The following GRHL1 variants were observed in gnomAD, a reference collection of about 807,000 sequenced individuals.
GRHL1 encodes grainyhead-like protein 1 homolog.
GRHL1 carries 38 observed loss-of-function variants against 75.7 expected under a neutral mutation model. The observed-to-expected ratio is 0.50, with a 90% CI of 0.39 to 0.66. GRHL1 has a LOEUF of 0.66. Ranked by LOEUF, GRHL1 falls within the 30% of genes least tolerant of loss-of-function variation. The probability of loss-of-function intolerance (pLI) is 0.00; values close to 1 mark genes in which losing one functional copy is unlikely to be tolerated. For missense variants in GRHL1, 589 were observed against 767.5 expected, an observed-to-expected ratio of 0.77 and a Z score of 2.75; for synonymous variants, 266 against 279.4, an observed-to-expected ratio of 0.95 and a Z score of 0.48.
Position 9,958,330 on chromosome 2 carries a change from T to C in GRHL1, c.208-456T>C, listed in dbSNP as rs543350411. Among the ~76,000 whole-genome samples, 344 of 152,154 alleles carry C rather than the reference T, an allele frequency of 2.3e-3. 4 individuals are homozygous for C. The Middle Eastern group carries it at 0.054, about 24-fold the overall frequency. On this transcript the variant is annotated intron_variant, in intron 2 of 15. Transcript: ENST00000324907. ...TGTAGCTGAGACTACAGGCACATGCTACCACGCCTGGCTAATTTTAAAATT... is the reference window on the plus strand; with the variant it reads ...TGTAGCTGAGACTACAGGCACATGCCACCACGCCTGGCTAATTTTAAAATT...
intron 2 of GRHL1, among the ~76,000 whole-genome samples, chr2:9,956,699 T>C (rs936460041): frequency 2.4e-4 from 37 of 152,220 alleles, no homozygotes; most frequent in African/African-American, 8.2e-4. Context: ...AAGAGTTCCT[T>C]TGAAGTGGAA....
intron 15 of GRHL1, among the ~76,000 whole-genome samples, chr2:10,000,227 T>A (rs563432185): frequency 6.6e-6 from 1 of 152,316 alleles, no homozygotes; most frequent in African/African-American, 2.4e-5. Flanking sequence ...CTCAAGTGAT[T>A]CTCCTGCCTC....
intron 1 of GRHL1, among the ~76,000 whole-genome samples, chr2:9,953,349 G>A (rs1218768656): frequency 6.6e-6 from 1 of 152,246 alleles, no homozygotes; most frequent in African/African-American, 2.4e-5. Context: ...CAGTCAATCA[G>A]TCCATGGCAC....
intron 12 of GRHL1, among the ~76,000 whole-genome samples, chr2:9,993,883 C>T (rs1668747748): frequency 6.6e-6 from 1 of 152,172 alleles, no homozygotes; most frequent in Admixed American, 6.5e-5. Context: ...TCTCATTCCC[C>T]ATCAAACTTT....
chr2:9,962,308 G>A (rs1405078058), intron 4 of GRHL1, 147 bp from the exon 5 acceptor site: 1 of 615,124 alleles, frequency 1.6e-6, no homozygotes, highest in Non-Finnish European at 3.0e-6. Context: ...TTAAGTATTT[G>A]TAGAATCAAA....
Position 9,996,173 on chromosome 2 carries a change from T to G in GRHL1, c.1592-143T>G, listed in dbSNP as rs182794740. ...TGTGTTCCTTAAGACAGAATTGATA[T>G]TGGCTGATGCTTGTCATCCTTGATG... is the stretch of plus-strand genomic sequence containing the variant. On this transcript the variant is annotated intron_variant, in intron 13 of 15. Coordinates refer to ENST00000324907, the MANE Select transcript of GRHL1 (RefSeq NM_198182.3). The G allele has an allele frequency of 1.1e-4, 79 of 711,866 alleles. 1 individual carries two copies. The Admixed American group carries it at 1.7e-3, about 16-fold the overall frequency. 44.1% of individuals were successfully genotyped at this position (711,866 alleles called of 1,614,324 possible). A position where few individuals can be genotyped will look rare whatever the true frequency, so the allele number is the denominator to read the frequency against.
chr2:9,963,959 C>T lies in GRHL1; in HGVS notation c.820C>T (p.Leu274=), dbSNP rs144366219. 90 of 1,613,126 alleles carry T rather than the reference C, an allele frequency of 5.6e-5. No homozygotes were observed. The highest frequency in any genetic ancestry group is 7.3e-5 in the Non-Finnish European group (86 of 1,179,248). The change falls in exon 6 of 16, where the codon CTG becomes TTG. Residue 274 remains leucine, a synonymous_variant. Coordinates refer to ENST00000324907, the MANE Select transcript of GRHL1 (RefSeq NM_198182.3). ...QKPGDSTMTY[L]NKGQFYPITL... is the part of the protein sequence containing the mutation. ...GCCAGGAGACAGTACCATGACGTAC[C>T]TGAACAAAGGCCAGTTCTATCCCAT...
chr2:9,993,703 G>C (rs760102606), intron 12 of GRHL1, among the ~76,000 whole-genome samples: 1 of 152,222 alleles, frequency 6.6e-6, no homozygotes, highest in South Asian at 2.1e-4. Context: ...ATAGAGGCCA[G>C]GCTGGGTTCT....
intron 9 of GRHL1, 82 bp downstream of exon 9, chr2:9,986,364 C>A: frequency 6.0e-6 from 5 of 839,552 alleles, no homozygotes; most frequent in Non-Finnish European, 7.3e-6. Flanking sequence ...TATTTAATGT[C>A]AAAATGAGAA....
chr2:9,969,957 C>G (rs1161087092), intron 8 of GRHL1, among the ~76,000 whole-genome samples: 1 of 150,710 alleles, frequency 6.6e-6, no homozygotes, highest in South Asian at 2.1e-4. Flanking sequence ...ATTCTCCTGT[C>G]TCAGCCTCCC....
chr2:9,999,040 A>G lies in GRHL1; in HGVS notation c.1742+11A>G, dbSNP rs765840743. ...GAAGTGTAAAAAGGGGTAAGCAGCCACTGCGTCCTGTGTACCTCGGAAAGT... is the reference window on the plus strand; with the variant it reads ...GAAGTGTAAAAAGGGGTAAGCAGCCGCTGCGTCCTGTGTACCTCGGAAAGT... On this transcript the variant is annotated intron_variant, in intron 15 of 15. Transcript: ENST00000324907. The G allele has an allele frequency of 2.0e-6, 3 of 1,506,254 alleles. No homozygotes were observed. Among genetic ancestry groups the G allele is most frequent in the South Asian group, 1.2e-5 (1 of 84,074 alleles). The allele number at this position is 1,506,254 out of a possible 1,614,324, so 93.3% of individuals were successfully genotyped here.
Position 9,990,241 on chromosome 2 carries a change from CAG to C in GRHL1, c.1270-454_1270-453del, listed in dbSNP as rs1224587037. Among the ~76,000 whole-genome samples, 2 of 151,922 alleles carry C rather than the reference CAG, an allele frequency of 1.3e-5. No individual in the cohort carries two copies. Among genetic ancestry groups the C allele is most frequent in the African/African-American group, 4.8e-5 (2 of 41,342 alleles). The stretch of plus-strand genomic sequence containing the variant: ...TCAGCTCACTGCAACCTCCACCTCT[CAG>C]GGGTTCAAGCAGTTCTCCTGCCTCA... On this transcript the variant is annotated intron_variant, in intron 9 of 15. Coordinates refer to ENST00000324907, the MANE Select transcript of GRHL1 (RefSeq NM_198182.3). This position sits in a 1 kb window ranked among gnomAD's most constrained non-coding sequence, Gnocchi z 4.2.
chr2:9,973,772 C>T (rs990594360), intron 8 of GRHL1, among the ~76,000 whole-genome samples: 2 of 152,028 alleles, frequency 1.3e-5, no homozygotes, highest in South Asian at 2.1e-4. Context: ...AATGATATGT[C>T]GGAATTTGAC....
intron 1 of GRHL1, among the ~76,000 whole-genome samples, chr2:9,952,327 G>C (rs1033437160): frequency 5.3e-5 from 8 of 152,320 alleles, no homozygotes; most frequent in African/African-American, 1.7e-4. Context: ...GTCACTCGGC[G>C]ACCTGCTGGA....
chr2:9,963,899 T>C lies in GRHL1; in HGVS notation c.760T>C (p.Tyr254His), dbSNP rs1177274086. Residue 254 changes from tyrosine (Y) to histidine (H), a missense_variant, in exon 6 of 16, where the codon TAT (tyrosine) becomes CAT (histidine). Coordinates refer to ENST00000324907, the MANE Select transcript of GRHL1 (RefSeq NM_198182.3). Reference protein sequence around the residue: ...FDSVSGNNFEYTLEASKSLRQ... With the variant: ...FDSVSGNNFEHTLEASKSLRQ... The stretch of plus-strand genomic sequence containing the variant: ...TTTGTCCTTTAGGAACAACTTTGAA[T>C]ATACCCTAGAAGCTTCAAAATCACT... The C allele has an allele frequency of 6.2e-7, 1 of 1,611,880 alleles. No homozygotes were observed. Among genetic ancestry groups the C allele is most frequent in the African/African-American group, 1.3e-5 (1 of 74,780 alleles).
At chr2:9,964,147 C>G (rs1234074820) in intron 6 of GRHL1, 88 bp from the exon 7 acceptor site, 1 of 1,333,930 alleles carries the variant, frequency 7.5e-7, no homozygotes, top group Non-Finnish European at 1.1e-6. Context: ...AGCTTTAAGC[C>G]TTCACTGTAA....
chr2:9,996,848 G>A (rs771042186), intron 14 of GRHL1, among the ~76,000 whole-genome samples: 7 of 152,180 alleles, frequency 4.6e-5, no homozygotes, highest in Non-Finnish European at 8.8e-5. Flanking sequence ...GAAAGTAGAC[G>A]TGTAACCAGT....
At chr2:9,954,794 A>ACTTC (rs1666940133) in intron 1 of GRHL1, 121 bp from the exon 2 acceptor site, 1 of 850,634 alleles carries the variant, frequency 1.2e-6, no homozygotes, top group Non-Finnish European at 1.9e-6. Flanking sequence ...TCTTAATTTG[A>ACTTC]CTTCCTAGGG....
intron 8 of GRHL1, among the ~76,000 whole-genome samples, chr2:9,974,442 T>C (rs551025659): frequency 6.6e-6 from 1 of 152,352 alleles, no homozygotes; most frequent in South Asian, 2.1e-4. Context: ...TTCTAGCAGA[T>C]ATTTTCTTGA....
Sources: allele counts gnomAD v4.1 joint callset (sites outside exome capture counted in the v4.1 genomes callset), GRCh38; gene constraint gnomAD v4.1.1; non-coding constraint Gnocchi (gnomAD v3.1); transcripts MANE v1.5; gene names NCBI Gene and HGNC (gene_info 2026-07-23, HGNC 2026-07-21).